Variants in TGDS observed in about 807,000 individuals in gnomAD.
TGDS encodes the protein UDP-D-glucose 4,6-dehydratase.
A neutral mutation model predicts 52.3 loss-of-function variants in TGDS; 47 were observed. The ratio of observed to expected loss-of-function variants is 0.90; its 90% CI spans 0.71 to 1.15. The LOEUF (loss-of-function observed/expected upper bound fraction) is 1.15. Among genes scored for constraint, TGDS ranks in the 50% most tolerant of loss-of-function variants. The pLI, the probability that TGDS is intolerant of heterozygous loss-of-function variation, is 0.00. For missense variants in TGDS, 375 were observed against 418.4 expected (o/e 0.90, Z 0.90); for synonymous variants, 115 against 136.9 (o/e 0.84, Z 1.12).
chr13:94,574,867 C>T lies in TGDS; in HGVS notation c.983-15G>A. 8.0e-7 allele frequency: 1 copy of T among 1,250,542 alleles called. No homozygotes were observed. 77.5% of individuals were successfully genotyped at this position (1,250,542 alleles called of 1,614,324 possible). A position where few individuals can be genotyped will look rare whatever the true frequency, so the allele number is the denominator to read the frequency against. On this transcript the variant is annotated splice_polypyrimidine_tract_variant and intron_variant, in intron 11 of 11. Coordinates refer to ENST00000261296, the MANE Select transcript of TGDS (RefSeq NM_014305.4). ...GTACCATTCAACTAATAGGAAAAAA[C>T]AAAAGACAAAAAAAAAAAAGAAAAG...
Position 94,578,119 on chromosome 13 carries a change from A to G in TGDS, c.711T>C (p.Asp237=), listed in dbSNP as rs1888664768. 6.2e-7 allele frequency: 1 copy of G among 1,613,734 alleles called. No homozygotes were observed. The highest frequency in any genetic ancestry group is 8.5e-7 in the Non-Finnish European group (1 of 1,179,864). Residue 237 remains aspartate, a synonymous_variant, in exon 9 of 12, where the codon GAT becomes GAC. Coordinates refer to ENST00000261296, the MANE Select transcript of TGDS (RefSeq NM_014305.4). ...GGACAGTGAGAAATGCTTCTACAAC[A>G]TCAGTAGCATAAAGGAAGTTTCTTG... is the stretch of plus-strand genomic sequence containing the variant. The part of the protein sequence containing the change: ...LQTRNFLYAT[D]VVEAFLTVLK...
chr13:94,583,230 G>T lies in TGDS; in HGVS notation c.320C>A (p.Ser107Ter). 6.2e-7 allele frequency: 1 copy of T among 1,611,346 alleles called. No homozygotes were observed. Among genetic ancestry groups the T allele is most frequent in the South Asian group, 1.1e-5 (1 of 90,356 alleles). The change falls in exon 5 of 12, where the codon TCA becomes TAA. Residue 107 changes from serine (S) to a stop codon, truncating the protein, a stop_gained. Transcript: ENST00000261296. LOFTEE classifies it high-confidence loss of function. ...GGTAAACTCAAAGGCACGTACGAATGAAAGATCTAAAAGAAAAGAGTGAAA... is the reference window on the plus strand; with the variant it reads ...GGTAAACTCAAAGGCACGTACGAATTAAAGATCTAAAAGAAAAGAGTGAAA... Reference protein sequence around the residue: ...HFAAQTHVDLSFVRAFEFTYV... With the variant: ...HFAAQTHVDL
At chr13:94,581,972 G>A (rs1194076651) in intron 5 of TGDS, among the ~76,000 whole-genome samples, 1 of 152,138 alleles carries the variant, frequency 6.6e-6, no homozygotes, top group African/African-American at 2.4e-5. Context: ...GGCCGAGGCA[G>A]GCGGATCACC....
intron 6 of TGDS, 130 bp downstream of exon 6, chr13:94,580,961 C>G: frequency 2.0e-6 from 1 of 502,064 alleles, no homozygotes; most frequent in Non-Finnish European, 3.3e-6. Flanking sequence ...TGTCAGATTG[C>G]GACTGTCTCC....
chr13:94,587,964 T>C (rs1594452127), intron 4 of TGDS, among the ~76,000 whole-genome samples: 1 of 125,214 alleles, frequency 8.0e-6, no homozygotes, highest in Admixed American at 9.9e-5. Flanking sequence ...GCCACTGCAC[T>C]CCAGCCTGGG....
At chr13:94,590,792 T>G in intron 4 of TGDS, 61 bp downstream of exon 4, 2 of 1,296,074 alleles carry the variant, frequency 1.5e-6, no homozygotes, top group Non-Finnish European at 1.1e-6. Flanking sequence ...ATATAAGTAT[T>G]AGGGGGGCGA....
chr13:94,589,061 G>A (rs1223459212), intron 4 of TGDS, among the ~76,000 whole-genome samples: 1 of 152,128 alleles, frequency 6.6e-6, no homozygotes, highest in African/African-American at 2.4e-5. Context: ...TCGTGACCTT[G>A]GGGTAGGAGA....
At chr13:94,585,523 C>A (rs953509926) in intron 4 of TGDS, among the ~76,000 whole-genome samples, 1 of 151,918 alleles carries the variant, frequency 6.6e-6, no homozygotes, top group Non-Finnish European at 1.5e-5. Context: ...CCAGGCAGGA[C>A]ATGGTGGCTA....
rs1888821060 is a variant in TGDS at position 94,582,178 on chromosome 13, A to G, written c.456+916T>C. 2.0e-5 allele frequency among the ~76,000 whole-genome samples: 3 copies of G among 151,094 alleles called. No individual in the cohort carries two copies. In the Admixed American group the frequency reaches 2.0e-4, roughly 10 times the overall value. On this transcript the variant is annotated intron_variant, in intron 5 of 11. Transcript: ENST00000261296. ...GAACCATTGCACTCCAGGCTGGGCA[A>G]TAAGAGCGAAACTCCCATCTCAAAA...
At chr13:94,578,454 T>A (rs1170894257) in intron 8 of TGDS, among the ~76,000 whole-genome samples, 2 of 152,244 alleles carry the variant, frequency 1.3e-5, no homozygotes, top group Non-Finnish European at 2.9e-5. Flanking sequence ...ATTAAATAAG[T>A]CCTTTGAGAA....
At chr13:94,584,146 G>C (rs1888898674) in intron 4 of TGDS, among the ~76,000 whole-genome samples, 1 of 152,208 alleles carries the variant, frequency 6.6e-6, no homozygotes, top group African/African-American at 2.4e-5. Flanking sequence ...GAAATATCTA[G>C]TCAAATTACA....
intron 4 of TGDS, among the ~76,000 whole-genome samples, chr13:94,589,607 C>T (rs919793281): frequency 2.0e-5 from 3 of 152,150 alleles, no homozygotes; most frequent in African/African-American, 7.2e-5. Flanking sequence ...AGCCACCGCT[C>T]CCGGCCAAAA....
chr13:94,584,946 T>C (rs569135261), intron 4 of TGDS, among the ~76,000 whole-genome samples: 1 of 152,310 alleles, frequency 6.6e-6, no homozygotes, highest in Non-Finnish European at 1.5e-5. Context: ...ATGAGGATGC[T>C]TGGAAACCAA....
chr13:94,595,073 G>A (rs1263314465), intron 1 of TGDS, among the ~76,000 whole-genome samples: 1 of 152,156 alleles, frequency 6.6e-6, no homozygotes, highest in Non-Finnish European at 1.5e-5. Context: ...AAGTGTGCTA[G>A]TTGGGAGAGG....
intron 1 of TGDS, 124 bp downstream of exon 1, chr13:94,595,927 C>A: frequency 1.9e-6 from 2 of 1,065,686 alleles, no homozygotes; most frequent in Non-Finnish European, 2.9e-6. Flanking sequence ...TGCATTAGGA[C>A]CCTCCCCATA....
Position 94,582,950 on chromosome 13 carries a change from G to A in TGDS, c.456+144C>T, listed in dbSNP as rs543950591. The stretch of plus-strand genomic sequence containing the variant: ...CCTTTATATATCTATTCTATTAGTT[G>A]TGTCCCTCTAGAGAACCCTAATACA... On this transcript the variant is annotated intron_variant, in intron 5 of 11. Transcript: ENST00000261296. The A allele has an allele frequency of 3.1e-5, 22 of 716,322 alleles. No homozygotes were observed. The African/African-American group carries it at 3.8e-4, about 12-fold the overall frequency. 44.4% of individuals were successfully genotyped at this position (716,322 alleles called of 1,614,324 possible). A position where few individuals can be genotyped will look rare whatever the true frequency, so the allele number is the denominator to read the frequency against.
intron 5 of TGDS, 104 bp from the exon 6 acceptor site, chr13:94,581,293 C>G: frequency 1.4e-6 from 1 of 709,260 alleles, no homozygotes; most frequent in Non-Finnish European, 2.2e-6. Context: ...ATTTTAAAAG[C>G]CACTTCTTAA....
At position 94,596,035 on chromosome 13, in the gene TGDS, C is replaced by G; in HGVS notation, c.86+16G>C. ...TTCTGGGGAGCCACTGCTTGGCTAG[C>G]GGCGCCATTACCTACATGAAACCAG... On this transcript the variant is annotated intron_variant, in intron 1 of 11. Transcript: ENST00000261296. 2 of 1,613,828 alleles carry G rather than the reference C, an allele frequency of 1.2e-6. No homozygotes were observed. The highest frequency in any genetic ancestry group is 1.7e-6 in the Non-Finnish European group (2 of 1,179,858).
At chr13:94,591,603 C>T (rs536810617) in intron 3 of TGDS, among the ~76,000 whole-genome samples, 6 of 152,218 alleles carry the variant, frequency 3.9e-5, no homozygotes, top group Admixed American at 3.9e-4. Context: ...AAAAAATATA[C>T]TGTAACAACT....
Sources: gnomAD v4.1 joint callset for allele counts (sites outside exome capture counted in the v4.1 genomes callset) on GRCh38, gnomAD v4.1.1 for gene constraint, MANE v1.5 for transcripts, NCBI Gene and HGNC (gene_info 2026-07-23, HGNC 2026-07-21) for gene names.